PDZD2: variants seen among roughly 807,000 people sequenced by gnomAD.
The protein encoded by PDZD2 is PDZ domain containing 2, also known as PDZ domain-containing protein 2.
In PDZD2, 90 loss-of-function variants were observed where a neutral mutation model predicts 220.7. That is an observed-to-expected ratio of 0.41 (90% confidence interval 0.34 to 0.49). The LOEUF (loss-of-function observed/expected upper bound fraction) is 0.49. Among genes scored for constraint, PDZD2 ranks in the 20% least tolerant of loss-of-function variants. The pLI is 0.28. For missense variants in PDZD2, 3,174 were observed against 3,608.5 expected, an observed-to-expected ratio of 0.88 and a Z score of 3.08; for synonymous variants, 1,375 against 1,450.5, an observed-to-expected ratio of 0.95 and a Z score of 1.18.
intron 1 of PDZD2, among the ~76,000 whole-genome samples, chr5:31,783,278 T>C (rs892222618): frequency 1.3e-5 from 2 of 152,028 alleles, no homozygotes; most frequent in Admixed American, 6.6e-5. Context: ...TTTTCTGGTC[T>C]TAAGACTCGT....
intron 6 of PDZD2, among the ~76,000 whole-genome samples, chr5:32,014,533 G>A (rs953286132): frequency 9.9e-5 from 15 of 151,918 alleles, no homozygotes; most frequent in Admixed American, 3.3e-4. Context: ...AGGGCTCGCC[G>A]TCTGCCACGA....
At chr5:31,990,859 G>A (rs917112220) in intron 3 of PDZD2, among the ~76,000 whole-genome samples, 7 of 152,196 alleles carry the variant, frequency 4.6e-5, no homozygotes, top group Admixed American at 1.3e-4. Flanking sequence ...AAAGCTGGCC[G>A]GGCAGTGTCA....
At chr5:32,097,796 T>C (rs577987769) in intron 22 of PDZD2, among the ~76,000 whole-genome samples, 26 of 152,306 alleles carry the variant, frequency 1.7e-4, no homozygotes, top group Admixed American at 3.9e-4. Flanking sequence ...CCAGGCCTCA[T>C]TCATCTTCGT....
rs114829419 is a variant in PDZD2, at chr5:31,728,082, G to A, written c.-360-70807G>A. Among the ~76,000 whole-genome samples the A allele has an allele frequency of 8.0e-3, 1,219 of 151,534 alleles. 19 individuals are homozygous for A. The highest frequency in any genetic ancestry group is 0.028 in the African/African-American group (1,171 of 41,298). On this transcript the variant is annotated intron_variant, in intron 1 of 24. Coordinates refer to ENST00000438447, the MANE Select transcript of PDZD2 (RefSeq NM_178140.4). Reference sequence around the variant, plus strand: ...CATGTGCTATAGTTGCAAAGAAGTCGAAAATTTCTTCTCTGATTCTAAAGC... The same window carrying A: ...CATGTGCTATAGTTGCAAAGAAGTCAAAAATTTCTTCTCTGATTCTAAAGC...
At chr5:31,741,375 T>A (rs201030541) in intron 1 of PDZD2, among the ~76,000 whole-genome samples, 279 of 147,930 alleles carry the variant, frequency 1.9e-3, no homozygotes, top group East Asian at 6.1e-3. Flanking sequence ...TTTTTTTTTT[T>A]AAAAAGGCTC....
chr5:31,926,922 C>T (rs1744835212), intron 2 of PDZD2, among the ~76,000 whole-genome samples: 1 of 152,212 alleles, frequency 6.6e-6, no homozygotes, highest in Non-Finnish European at 1.5e-5. Context: ...TTTGCAGCAA[C>T]ATGGACGCGG....
At chr5:31,793,698 C>A (rs1480853253) in intron 1 of PDZD2, among the ~76,000 whole-genome samples, 2 of 152,182 alleles carry the variant, frequency 1.3e-5, no homozygotes. Flanking sequence ...AGCGCAGCTA[C>A]TTGGGAGACT....
intron 1 of PDZD2, among the ~76,000 whole-genome samples, chr5:31,720,444 G>A (rs1433234134): frequency 6.6e-6 from 1 of 152,208 alleles, no homozygotes; most frequent in African/African-American, 2.4e-5. Flanking sequence ...TGATGATATA[G>A]GGAAACTTCC....
At chr5:31,947,073 C>T (rs1746703699) in intron 2 of PDZD2, among the ~76,000 whole-genome samples, 1 of 152,126 alleles carries the variant, frequency 6.6e-6, no homozygotes. Flanking sequence ...ACTCAGAGCC[C>T]TGATTTTATG....
intron 1 of PDZD2, among the ~76,000 whole-genome samples, chr5:31,758,247 G>A (rs1033324525): frequency 1.3e-5 from 2 of 152,248 alleles, no homozygotes; most frequent in African/African-American, 4.8e-5. Flanking sequence ...CTTAGCAGGG[G>A]CTCAACAAAT....
intron 7 of PDZD2, among the ~76,000 whole-genome samples, chr5:32,041,601 G>C (rs56150209): frequency 6.6e-6 from 1 of 151,836 alleles, no homozygotes; most frequent in Non-Finnish European, 1.5e-5. Flanking sequence ...GATTAAGGGC[G>C]GTGCAAGATG....
chr5:31,905,477 C>G lies in PDZD2; in HGVS notation c.477-77678C>G, dbSNP rs76356965. Among the ~76,000 whole-genome samples the G allele has an allele frequency of 3.9e-5, 6 of 152,330 alleles. No homozygotes were observed. In the East Asian group the frequency reaches 9.6e-4, roughly 24 times the overall value. ...CCTCTTCTAAGCCAGTTAGTGTAAT[C>G]TTCCTCCGTGTTCTTGGCCTGCATT... is the stretch of plus-strand genomic sequence containing the variant. On this transcript the variant is annotated intron_variant, in intron 2 of 24. Transcript: ENST00000438447.
chr5:31,715,286 G>T (rs929319151), intron 1 of PDZD2, among the ~76,000 whole-genome samples: 7 of 152,062 alleles, frequency 4.6e-5, no homozygotes, highest in Non-Finnish European at 1.0e-4. Flanking sequence ...AGATTAGATT[G>T]GTTCTTCCCT....
At chr5:32,003,286 ACAC>A (rs1752465231) in intron 5 of PDZD2, among the ~76,000 whole-genome samples, 1 of 121,382 alleles carries the variant, frequency 8.2e-6, no homozygotes, top group African/African-American at 3.2e-5. Context: ...CACCACACAC[ACAC>A]CACAGCAAAC....
At chr5:31,862,304 A>G (rs1737793179) in intron 2 of PDZD2, among the ~76,000 whole-genome samples, 1 of 151,684 alleles carries the variant, frequency 6.6e-6, no homozygotes. Flanking sequence ...GGGTTTTGCC[A>G]TGTTGGCCAG....
In PDZD2 at chr5:32,018,452, G is replaced by A. The variant is rs1018231695; in HGVS notation, c.1407+7970G>A. Among the ~76,000 whole-genome samples, 9 of 152,282 alleles carry A rather than the reference G, an allele frequency of 5.9e-5. 1 individual carries two copies. The South Asian group carries it at 1.9e-3, about 32-fold the overall frequency. On this transcript the variant is annotated intron_variant, in intron 6 of 24. Coordinates refer to ENST00000438447, the MANE Select transcript of PDZD2 (RefSeq NM_178140.4). The stretch of plus-strand genomic sequence containing the variant: ...AGGGAGTGAGGCCAAGGTGTTTGTG[G>A]TGCTCGTGGGAAACTTAGAAGCACA...
intron 2 of PDZD2, among the ~76,000 whole-genome samples, chr5:31,971,165 GA>G (rs899664458): frequency 6.6e-6 from 1 of 152,146 alleles, no homozygotes; most frequent in Non-Finnish European, 1.5e-5. Flanking sequence ...GGTGATTCAT[GA>G]AAACAGAAAC....
rs567396699 is a variant in PDZD2, at chr5:31,867,207, T to A, written c.476+67483T>A. On this transcript the variant is annotated intron_variant, in intron 2 of 24. Coordinates refer to ENST00000438447, the MANE Select transcript of PDZD2 (RefSeq NM_178140.4). ...GCTGCAAATGCAAACCAGAAAGTCA[T>A]GCTCTTGAGCTCATAAAAAAACCTA... 2.6e-5 allele frequency among the ~76,000 whole-genome samples: 4 copies of A among 152,264 alleles called. No homozygotes were observed. The East Asian group carries it at 7.7e-4, about 29-fold the overall frequency.
chr5:31,856,540 A>G (rs899497519), intron 2 of PDZD2, among the ~76,000 whole-genome samples: 1 of 152,128 alleles, frequency 6.6e-6, no homozygotes, highest in Non-Finnish European at 1.5e-5. Flanking sequence ...CCTCTTATCT[A>G]GAGTGAAGGA....
Sources: allele counts gnomAD v4.1 joint callset (sites outside exome capture counted in the v4.1 genomes callset), GRCh38; gene constraint gnomAD v4.1.1; transcripts MANE v1.5; gene names NCBI Gene and HGNC (gene_info 2026-07-23, HGNC 2026-07-21).